Variants in GOLGA8R observed in about 807,000 individuals in gnomAD.
The protein encoded by GOLGA8R is golgin subfamily A member 8R.
In GOLGA8R, 6 loss-of-function variants were observed where a neutral mutation model predicts 21.4. That is an observed-to-expected ratio of 0.28 (90% CI 0.15 to 0.55). GOLGA8R has a LOEUF of 0.55. GOLGA8R is among the 20% of genes least tolerant of loss of function. GOLGA8R has a pLI of 0.94. For synonymous variants in GOLGA8R, 8 were observed against 49.3 expected (o/e 0.16, Z 3.51); for missense variants, 41 against 139.9 (o/e 0.29, Z 3.57).
chr15:30,407,950 C>G lies in GOLGA8R; in HGVS notation c.829G>C (p.Glu277Gln). The part of the protein sequence containing the change: ...KKEKQDMRWV[E>Q]QLEWSLSKLK... ...TTGGACAAGCTCCACTCCAGCTGCTCTACCCAACGCATATCCTGCTTCTCT... is the reference window on the plus strand; with the variant it reads ...TTGGACAAGCTCCACTCCAGCTGCTGTACCCAACGCATATCCTGCTTCTCT... Residue 277 changes from glutamate to glutamine, a missense_variant, in exon 11 of 19, where the codon GAG becomes CAG. Around this residue, in one of 3 missense-constraint regions of GOLGA8R, gnomAD observed 38 missense variants for 32.6 expected, o/e 1.17. Coordinates refer to ENST00000327271, the MANE Select transcript of GOLGA8R (RefSeq NM_001282484.1). 2.5e-6 allele frequency: 4 copies of G among 1,605,212 alleles called. No homozygotes were observed. The highest frequency in any genetic ancestry group is 3.4e-6 in the Non-Finnish European group (4 of 1,172,524).
chr15:30,407,964 T>C lies in GOLGA8R; in HGVS notation c.815A>G (p.Asp272Gly). 3 of 1,591,042 alleles carry C rather than the reference T, an allele frequency of 1.9e-6. No homozygotes were observed. Among genetic ancestry groups the C allele is most frequent in the South Asian group, 2.2e-5 (2 of 90,628 alleles). The change falls in exon 11 of 19, where the codon GAT (aspartate) becomes GGT (glycine). Residue 272 changes from aspartate (D) to glycine (G), a missense_variant. This residue lies in a region of GOLGA8R where 38 missense variants were observed against 32.6 expected (regional missense o/e 1.17). Transcript: ENST00000327271. ...CTCCAGCTGCTCTACCCAACGCATA[T>C]CCTGCTTCTCTTTCTTTAATGTGCA... is the stretch of plus-strand genomic sequence containing the variant. ...EICTLKKEKQDMRWVEQLEWS... is the reference protein window; with the variant it reads ...EICTLKKEKQGMRWVEQLEWS...
At position 30,407,915 on chromosome 15, in the gene GOLGA8R, G is replaced by C. The variant is rs780017528; in HGVS notation, c.864C>G (p.Asn288Lys). The change falls in exon 11 of 19, where the codon AAC becomes AAG. Residue 288 changes from asparagine to lysine, a missense_variant. Physicochemically the swap from Asn to Lys is moderately conservative, Grantham distance 94. This residue lies in a region of GOLGA8R where 38 missense variants were observed against 32.6 expected (regional missense o/e 1.17). Transcript: ENST00000327271. ...ATGCCAGCCCCATCTTACCCGTCTG[G>C]TTTTTGAGTTTGGACAAGCTCCACT... ...QLEWSLSKLK[N>K]QTAEPLPPEP... 8 of 1,610,928 alleles carry C rather than the reference G, an allele frequency of 5.0e-6. No homozygotes were observed. In the African/African-American group the frequency reaches 9.4e-5, roughly 19 times the overall value.
At chr15:30,412,145 T>G (rs1260729108) in intron 2 of GOLGA8R, 184 bp downstream of exon 2, 2 of 7,212 alleles carry the variant, frequency 2.8e-4, no homozygotes, top group Non-Finnish European at 6.4e-4. Flanking sequence ...GGTCTCGATC[T>G]CCTGACCTCA....
At chr15:30,408,039 G>A (rs770526469) in intron 10 of GOLGA8R, 47 bp from the exon 11 acceptor site, 1 of 1,609,856 alleles carries the variant, frequency 6.2e-7, no homozygotes, top group Non-Finnish European at 8.5e-7. Context: ...GGGGCTGGTG[G>A]CTGGACAGGC....
chr15:30,409,996 CA>C (rs1211357605), intron 5 of GOLGA8R, 30 bp from the exon 6 acceptor site: 59 of 98,714 alleles, frequency 6.0e-4, no homozygotes, highest in Middle Eastern at 6.3e-3. Flanking sequence ...GAGCTCTTAC[CA>C]GGGGGAGGCA....
intron 13 of GOLGA8R, chr15:30,406,715 G>A (rs1595525797): frequency 9.4e-5 from 1 of 10,620 alleles, no homozygotes; most frequent in Non-Finnish European, 4.9e-4. Context: ...TGTGATTGGG[G>A]GCTCCATGCC....
Position 30,407,983 on chromosome 15 carries a change from A to C in GOLGA8R, c.796T>G (p.Leu266Val), listed in dbSNP as rs746248259. 56 of 1,612,018 alleles carry C rather than the reference A, an allele frequency of 3.5e-5. No individual in the cohort carries two copies. The highest frequency in any genetic ancestry group is 5.4e-5 in the African/African-American group (4 of 74,732). ...MSKMSQEICT[L>V]KKEKQDMRWV... ...CGCATATCCTGCTTCTCTTTCTTTA[A>C]TGTGCAAATCTGCCCAAAGCACAGG... is the stretch of plus-strand genomic sequence containing the variant. The change falls in exon 11 of 19, where the codon TTA becomes GTA. Residue 266 changes from leucine to valine, a missense_variant. Physicochemically the swap from Leu to Val is conservative, Grantham distance 32. This residue lies in a region of GOLGA8R where 38 missense variants were observed against 32.6 expected (regional missense o/e 1.17). Coordinates refer to ENST00000327271, the MANE Select transcript of GOLGA8R (RefSeq NM_001282484.1).
Position 30,403,230 on chromosome 15 carries a change from T to C in GOLGA8R, c.*510A>G, listed in dbSNP as rs1595523055. Among the ~76,000 whole-genome samples, 1 of 70,182 alleles carries C rather than the reference T, an allele frequency of 1.4e-5. No homozygotes were observed. The highest frequency in any genetic ancestry group is 3.0e-5 in the Non-Finnish European group (1 of 33,726). The allele number at this position is 70,182 out of a possible 152,430, so 46.0% of individuals were successfully genotyped here. ...CTAAATGTCAGTACTCATAGTGGCG[T>C]ATTACAAAGTAATAAACAGTGCACA... On this transcript the variant is annotated 3_prime_UTR_variant, in exon 19 of 19. Transcript: ENST00000327271.
At chr15:30,406,876 C>A (rs1309681794) in intron 13 of GOLGA8R, 75 bp downstream of exon 13, 10 of 28,658 alleles carry the variant, frequency 3.5e-4, no homozygotes, top group African/African-American at 6.8e-4. Flanking sequence ...TCTGACCTGG[C>A]ACCTCCCCTC....
rs1371108557 is a variant in GOLGA8R at position 30,409,111 on chromosome 15, C to G, written c.591+430G>C. Among the ~76,000 whole-genome samples, 53 of 6,914 alleles carry G rather than the reference C, an allele frequency of 7.7e-3. 6 individuals are homozygous for G. Among genetic ancestry groups the G allele is most frequent in the Non-Finnish European group, 0.049 (31 of 636 alleles). 4.5% of individuals were successfully genotyped at this position (6,914 alleles called of 152,430 possible). The stretch of plus-strand genomic sequence containing the variant: ...TCTCTCTCCTGAATTTTTTATGAAC[C>G]CTTGCAGACATGTTTTATGTATATT... On this transcript the variant is annotated intron_variant, in intron 8 of 18. Coordinates refer to ENST00000327271, the MANE Select transcript of GOLGA8R (RefSeq NM_001282484.1).
rs748225798 is a variant in GOLGA8R at position 30,407,966 on chromosome 15, C to A, written c.813G>T (p.Gln271His). 2 of 1,176,202 alleles carry A rather than the reference C, an allele frequency of 1.7e-6. No homozygotes were observed. The highest frequency in any genetic ancestry group is 3.1e-5 in the African/African-American group (1 of 32,380). The allele number at this position is 1,176,202 out of a possible 1,614,324, so 72.9% of individuals were successfully genotyped here. A position where few individuals can be genotyped will look rare whatever the true frequency, so the allele number is the denominator to read the frequency against. ...CCAGCTGCTCTACCCAACGCATATCCTGCTTCTCTTTCTTTAATGTGCAAA... is the reference window on the plus strand; with the variant it reads ...CCAGCTGCTCTACCCAACGCATATCATGCTTCTCTTTCTTTAATGTGCAAA... ...QEICTLKKEK[Q>H]DMRWVEQLEW... Residue 271 changes from glutamine (Q) to histidine (H), a missense_variant, in exon 11 of 19, where the codon CAG (glutamine) becomes CAT (histidine). Physicochemically the swap from Gln to His is conservative, Grantham distance 24 (BLOSUM62 0). Coordinates refer to ENST00000327271, the MANE Select transcript of GOLGA8R (RefSeq NM_001282484.1).
Position 30,404,452 on chromosome 15 carries a change from GTAT to G in GOLGA8R, c.1443_1445del (p.Gln481_Tyr482delinsHis). 9.4e-6 allele frequency: 1 copy of G among 106,544 alleles called. No individual in the cohort carries two copies. Among genetic ancestry groups the G allele is most frequent in the Non-Finnish European group, 2.4e-5 (1 of 42,128 alleles). The allele number at this position is 106,544 out of a possible 1,614,324, so 6.6% of individuals were successfully genotyped here. A position where few individuals can be genotyped will look rare whatever the true frequency, so the allele number is the denominator to read the frequency against. ...CTCACTGATGGCATCTCTCTTGCCA[GTAT>G]TGAATGAAGCGAAGTTCTTGTTTTT... On this transcript the variant is annotated inframe_deletion, in exon 16 of 19. Coordinates refer to ENST00000327271, the MANE Select transcript of GOLGA8R (RefSeq NM_001282484.1).
rs2059057114 is a variant in GOLGA8R at position 30,403,144 on chromosome 15, C to T, written c.*596G>A. On this transcript the variant is annotated 3_prime_UTR_variant, in exon 19 of 19. Coordinates refer to ENST00000327271, the MANE Select transcript of GOLGA8R (RefSeq NM_001282484.1). ...AGCTCCCCCAAAAGGTTATCACTCC[C>T]ATCACCAATACACAGAAAATGGAGG... is the stretch of plus-strand genomic sequence containing the variant. 2.6e-5 allele frequency among the ~76,000 whole-genome samples: 3 copies of T among 113,548 alleles called. 1 individual carries two copies. In the Admixed American group the frequency reaches 2.7e-4, roughly 10 times the overall value. 74.5% of individuals were successfully genotyped at this position (113,548 alleles called of 152,430 possible).
At position 30,403,018 on chromosome 15, in the gene GOLGA8R, A is replaced by G. The variant is rs2059055556; in HGVS notation, c.*722T>C. Among the ~76,000 whole-genome samples, 1 of 130,786 alleles carries G rather than the reference A, an allele frequency of 7.6e-6. No homozygotes were observed. Among genetic ancestry groups the G allele is most frequent in the Non-Finnish European group, 1.7e-5 (1 of 60,148 alleles). 85.8% of individuals were successfully genotyped at this position (130,786 alleles called of 152,430 possible). On this transcript the variant is annotated 3_prime_UTR_variant, in exon 19 of 19. Coordinates refer to ENST00000327271, the MANE Select transcript of GOLGA8R (RefSeq NM_001282484.1). ...ACATACAAATCCTAAGGGAACCACCATAATACACTGCTAATTCCTGGCACC... is the reference window on the plus strand; with the variant it reads ...ACATACAAATCCTAAGGGAACCACCGTAATACACTGCTAATTCCTGGCACC...
chr15:30,410,218 A>T lies in GOLGA8R; in HGVS notation c.348+11T>A, dbSNP rs1213836811. ...CAGCAGTCATGTCGCGAGGAAACGA[A>T]ATCACGTTACTTCTTCCAGCTGATG... is the stretch of plus-strand genomic sequence containing the variant. On this transcript the variant is annotated intron_variant, in intron 5 of 18. Coordinates refer to ENST00000327271, the MANE Select transcript of GOLGA8R (RefSeq NM_001282484.1). 9.2e-7 allele frequency: 1 copy of T among 1,091,788 alleles called. No individual in the cohort carries two copies. Among genetic ancestry groups the T allele is most frequent in the East Asian group, 2.5e-5 (1 of 40,554 alleles). 67.6% of individuals were successfully genotyped at this position (1,091,788 alleles called of 1,614,324 possible). A position where few individuals can be genotyped will look rare whatever the true frequency, so the allele number is the denominator to read the frequency against.
At position 30,402,861 on chromosome 15, in the gene GOLGA8R, C is replaced by T. The variant is rs1352199551; in HGVS notation, c.*879G>A. Among the ~76,000 whole-genome samples the T allele has an allele frequency of 9.4e-6, 1 of 106,856 alleles. No homozygotes were observed. Among genetic ancestry groups the T allele is most frequent in the Non-Finnish European group, 2.0e-5 (1 of 50,612 alleles). 70.1% of individuals were successfully genotyped at this position (106,856 alleles called of 152,430 possible). On this transcript the variant is annotated 3_prime_UTR_variant, in exon 19 of 19. Transcript: ENST00000327271. The stretch of plus-strand genomic sequence containing the variant: ...GTATTGTAGATACAAATGCTCTAAG[C>T]TAGGAAAGGTTTTCCACATCCACAG...
At chr15:30,407,715 G>T (rs2059094562) in intron 11 of GOLGA8R, among the ~76,000 whole-genome samples, 184 bp from the exon 12 acceptor site, 1 of 152,270 alleles carries the variant, frequency 6.6e-6, no homozygotes, top group South Asian at 2.1e-4. Context: ...GCTGACAACG[G>T]GCCCTCTTTG....
rs2059054317 is a variant in GOLGA8R at position 30,402,874 on chromosome 15, T to C, written c.*866A>G. ...AAATGCTCTAAGCTAGGAAAGGTTT[T>C]CCACATCCACAGTCAACGATGGGAA... On this transcript the variant is annotated 3_prime_UTR_variant, in exon 19 of 19. Transcript: ENST00000327271. Among the ~76,000 whole-genome samples the C allele has an allele frequency of 8.9e-6, 1 of 111,922 alleles. No homozygotes were observed. The highest frequency in any genetic ancestry group is 9.3e-5 in the Admixed American group (1 of 10,740). The allele number at this position is 111,922 out of a possible 152,430, so 73.4% of individuals were successfully genotyped here.
chr15:30,410,201 AT>A, intron 5 of GOLGA8R, 27 bp downstream of exon 5: 1 of 1,207,476 alleles, frequency 8.3e-7, no homozygotes, highest in Non-Finnish European at 1.2e-6. Flanking sequence ...CCCAGCAGTC[AT>A]GTCGCGAGGA....
Sources: gnomAD v4.1 joint callset for allele counts (sites outside exome capture counted in the v4.1 genomes callset) on GRCh38, gnomAD v4.1.1 for gene constraint, gnomAD v4.1.1 regional missense constraint, MANE v1.5 for transcripts, NCBI Gene and HGNC (gene_info 2026-07-23, HGNC 2026-07-21) for gene names.